Variants in ATXN7L1 observed in about 807,000 individuals in gnomAD.
ATXN7L1 encodes ataxin 7 like 1.
ATXN7L1 carries 15 observed loss-of-function variants against 70.8 expected under a neutral mutation model. The ratio of observed to expected loss-of-function variants is 0.21; its 90% CI spans 0.14 to 0.33. ATXN7L1 has a LOEUF of 0.33. Ranked by LOEUF, ATXN7L1 falls within the 10% of genes least tolerant of loss-of-function variation. The pLI is 1.00. For synonymous variants in ATXN7L1, 440 were observed against 445.1 expected (o/e 0.99, Z 0.14); for missense variants, 975 against 1,097.1 (o/e 0.89, Z 1.57).
chr7:105,717,300 G>C (rs1238400966), intron 3 of ATXN7L1, among the ~76,000 whole-genome samples: 1 of 152,044 alleles, frequency 6.6e-6, no homozygotes, highest in East Asian at 1.9e-4. Context: ...GCTAATTTTT[G>C]TATTTTTAGT....
intron 3 of ATXN7L1, among the ~76,000 whole-genome samples, chr7:105,728,015 C>T (rs1482976050): frequency 1.3e-5 from 2 of 151,390 alleles, no homozygotes; most frequent in Non-Finnish European, 2.9e-5. Flanking sequence ...TTTAAAAACC[C>T]AAGAACAATT....
At chr7:105,659,336 C>G (rs557362720) in intron 4 of ATXN7L1, among the ~76,000 whole-genome samples, 1 of 152,154 alleles carries the variant, frequency 6.6e-6, no homozygotes, top group Non-Finnish European at 1.5e-5. Context: ...TCATTCAATT[C>G]GACAAATATT....
intron 2 of ATXN7L1, among the ~76,000 whole-genome samples, chr7:105,814,069 T>C (rs1391658441): frequency 6.6e-6 from 1 of 152,180 alleles, no homozygotes; most frequent in Non-Finnish European, 1.5e-5. Flanking sequence ...CCTCAGGAAA[T>C]CAGTCTAATA....
Position 105,771,201 on chromosome 7 carries a change from G to GATGATAATA in ATXN7L1, c.355+17402_355+17403insTATTATCAT, listed in dbSNP as rs1554457177. Among the ~76,000 whole-genome samples the GATGATAATA allele has an allele frequency of 1.5e-4, 21 of 139,248 alleles. No homozygotes were observed. In the South Asian group the frequency reaches 2.8e-3, roughly 19 times the overall value. The allele number at this position is 139,248 out of a possible 152,430, so 91.4% of individuals were successfully genotyped here. ...GGCGACAGAGCAAGACTCCGTCTCT[G>GATGATAATA]ATAATAATAATAATAATAATAATAA... On this transcript the variant is annotated intron_variant, in intron 3 of 11. Transcript: ENST00000419735.
intron 3 of ATXN7L1, among the ~76,000 whole-genome samples, chr7:105,675,169 T>A (rs1004417388): frequency 6.8e-6 from 1 of 147,656 alleles, no homozygotes; most frequent in Non-Finnish European, 1.5e-5. Flanking sequence ...AAAAAAAAAA[T>A]ACTACAAGCA....
intron 2 of ATXN7L1, among the ~76,000 whole-genome samples, chr7:105,789,412 C>G (rs1371250468): frequency 6.6e-6 from 1 of 152,276 alleles, no homozygotes; most frequent in Non-Finnish European, 1.5e-5. Flanking sequence ...TCATCATTGC[C>G]TGCAGCTGTG....
intron 2 of ATXN7L1, among the ~76,000 whole-genome samples, chr7:105,798,216 A>G (rs553949768): frequency 5.6e-4 from 86 of 152,290 alleles, no homozygotes; most frequent in African/African-American, 2.0e-3. Context: ...AGTGCATGAA[A>G]GCTGTTCCTT....
At chr7:105,807,855 A>G (rs1585051469) in intron 2 of ATXN7L1, among the ~76,000 whole-genome samples, 1 of 152,350 alleles carries the variant, frequency 6.6e-6, no homozygotes, top group South Asian at 2.1e-4. Context: ...AAACACCCAG[A>G]AGACCCACAG....
intron 10 of ATXN7L1, among the ~76,000 whole-genome samples, chr7:105,611,331 T>C (rs879877913): frequency 1.3e-5 from 2 of 152,230 alleles, no homozygotes; most frequent in Non-Finnish European, 2.9e-5. Context: ...ACCGCTCCTC[T>C]TCTCCATTAA....
At chr7:105,799,167 T>C (rs1213564033) in intron 2 of ATXN7L1, among the ~76,000 whole-genome samples, 1 of 152,208 alleles carries the variant, frequency 6.6e-6, no homozygotes, top group Non-Finnish European at 1.5e-5. Flanking sequence ...TGCGGTGCCT[T>C]ACATGTGCAG....
intron 3 of ATXN7L1, among the ~76,000 whole-genome samples, chr7:105,784,260 G>T (rs1055906796): frequency 6.6e-6 from 1 of 152,114 alleles, no homozygotes; most frequent in African/African-American, 2.4e-5. Flanking sequence ...CACTGCGCCC[G>T]GCCCCAGCTA....
At chr7:105,655,437 G>C (rs1450410244) in intron 4 of ATXN7L1, among the ~76,000 whole-genome samples, 1 of 152,224 alleles carries the variant, frequency 6.6e-6, no homozygotes, top group African/African-American at 2.4e-5. Context: ...ATCACTCTGG[G>C]GGGGTGTGTG....
intron 3 of ATXN7L1, among the ~76,000 whole-genome samples, chr7:105,733,259 T>C (rs542515753): frequency 3.9e-5 from 6 of 152,374 alleles, no homozygotes; most frequent in Non-Finnish European, 7.3e-5. Context: ...CATCACAATA[T>C]GGTGAATCAT....
intron 2 of ATXN7L1, among the ~76,000 whole-genome samples, chr7:105,799,276 G>C (rs2116511098): frequency 6.6e-6 from 1 of 152,356 alleles, no homozygotes; most frequent in South Asian, 2.1e-4. Context: ...ATGTCATCCA[G>C]AACATGTGAT....
In ATXN7L1 at chr7:105,670,551, C is replaced by T. The variant is rs114742790; in HGVS notation, c.356-5263G>A. On this transcript the variant is annotated intron_variant, in intron 3 of 11. Coordinates refer to ENST00000419735, the MANE Select transcript of ATXN7L1 (RefSeq NM_020725.2). Reference sequence around the variant, plus strand: ...TTTGTCAGCTAACATTCTACATATACGTATCAAATTCCCACAAACTTGCTA... The same window carrying T: ...TTTGTCAGCTAACATTCTACATATATGTATCAAATTCCCACAAACTTGCTA... Among the ~76,000 whole-genome samples the T allele has an allele frequency of 8.4e-3, 1,277 of 152,168 alleles. 28 individuals are homozygous for T. Among genetic ancestry groups the T allele is most frequent in the African/African-American group, 0.028 (1,177 of 41,516 alleles).
At position 105,638,399 on chromosome 7, in the gene ATXN7L1, C is replaced by A; in HGVS notation, c.1156G>T (p.Val386Phe). The A allele has an allele frequency of 6.4e-7, 1 of 1,552,166 alleles. No individual in the cohort carries two copies. The highest frequency in any genetic ancestry group is 8.7e-7 in the Non-Finnish European group (1 of 1,147,098). The change falls in exon 7 of 12, where the codon GTT becomes TTT. Residue 386 changes from valine (V) to phenylalanine (F), a missense_variant. By Grantham distance (50) the Val-to-Phe change is conservative. Around this residue, in one of 5 missense-constraint regions of ATXN7L1, gnomAD observed 635 missense variants for 699.4 expected, o/e 0.91. Coordinates refer to ENST00000419735, the MANE Select transcript of ATXN7L1 (RefSeq NM_020725.2). Reference protein sequence around the residue: ...SSGSSGPEPKVASPAKSRPPN... With the variant: ...SSGSSGPEPKFASPAKSRPPN... ...GGTCTGGATTTTGCAGGGGATGCAACTTTTGGTTCTGGCCCAGAGCTCCCT... is the reference window on the plus strand; with the variant it reads ...GGTCTGGATTTTGCAGGGGATGCAAATTTTGGTTCTGGCCCAGAGCTCCCT...
chr7:105,664,604 A>G (rs78282797), intron 4 of ATXN7L1, among the ~76,000 whole-genome samples: 20,051 of 139,872 alleles, frequency 0.14, 1,991 homozygotes, highest in East Asian at 0.27. Context: ...ACAGAGTTTC[A>G]CTGTCACCCA....
intron 2 of ATXN7L1, among the ~76,000 whole-genome samples, chr7:105,853,185 C>T (rs745812249): frequency 2.6e-5 from 4 of 152,176 alleles, no homozygotes; most frequent in East Asian, 1.9e-4. Context: ...TCCTTAGTAA[C>T]GCTGAATTAT....
chr7:105,826,923 T>C (rs1196656752), intron 2 of ATXN7L1, among the ~76,000 whole-genome samples: 2 of 152,124 alleles, frequency 1.3e-5, no homozygotes, highest in Non-Finnish European at 2.9e-5. Flanking sequence ...ACCTTTGGGA[T>C]ATAGAAGGAA....
Sources: gnomAD v4.1 joint callset for allele counts (sites outside exome capture counted in the v4.1 genomes callset) on GRCh38, gnomAD v4.1.1 for gene constraint, gnomAD v4.1.1 regional missense constraint, MANE v1.5 for transcripts, NCBI Gene and HGNC (gene_info 2026-07-23, HGNC 2026-07-21) for gene names.